Variants in DPP10 observed in about 807,000 individuals in gnomAD.
DPP10 encodes dipeptidyl peptidase like 10.
In DPP10, 33 loss-of-function variants were observed where a neutral mutation model predicts 120.9. The observed-to-expected ratio is 0.27, with a 90% CI of 0.21 to 0.37. The LOEUF (loss-of-function observed/expected upper bound fraction) is 0.37, where lower values mean the gene tolerates loss of function less well. DPP10 is among the 10% of genes least tolerant of loss of function. The pLI is 1.00. For missense variants in DPP10, 816 were observed against 942.8 expected (o/e 0.87, Z 1.76); for synonymous variants, 337 against 326.1 (o/e 1.03, Z -0.36).
Position 115,195,058 on chromosome 2 carries a change from C to T in DPP10, c.61-114181C>T, listed in dbSNP as rs144640768. 8.7e-3 allele frequency among the ~76,000 whole-genome samples: 1,326 copies of T among 152,200 alleles called. 68 individuals carry two copies. The highest frequency in any genetic ancestry group is 0.078 in the Admixed American group (1,199 of 15,284). On this transcript the variant is annotated intron_variant, in intron 1 of 25. Transcript: ENST00000410059. The stretch of plus-strand genomic sequence containing the variant: ...GGATATATTTTGGACATTCAGTGTG[C>T]GCTCATGATGATCACTGACTGGACA...
chr2:115,711,260 C>G (rs545768940), intron 7 of DPP10, among the ~76,000 whole-genome samples: 1 of 151,914 alleles, frequency 6.6e-6, no homozygotes, highest in African/African-American at 2.4e-5. Flanking sequence ...GAAATAGAGA[C>G]CTTACAAAAG....
chr2:114,877,132 A>G (rs1019317895), intron 1 of DPP10, among the ~76,000 whole-genome samples: 7 of 152,060 alleles, frequency 4.6e-5, no homozygotes, highest in Admixed American at 1.3e-4. Flanking sequence ...TAGCTTGTGT[A>G]TGTATATGTA....
chr2:115,147,686 T>C (rs2051307535), intron 1 of DPP10, among the ~76,000 whole-genome samples: 1 of 152,074 alleles, frequency 6.6e-6, no homozygotes, highest in Admixed American at 6.6e-5. Context: ...AATATAAGAA[T>C]ATAAATGATA....
chr2:115,373,895 GA>G (rs2065596798), intron 3 of DPP10, among the ~76,000 whole-genome samples: 1 of 151,500 alleles, frequency 6.6e-6, no homozygotes, highest in Non-Finnish European at 1.5e-5. Flanking sequence ...AAGAGAGAGA[GA>G]GAGAGAGAGT....
chr2:115,319,705 A>G (rs2061966875), intron 2 of DPP10, among the ~76,000 whole-genome samples: 1 of 152,182 alleles, frequency 6.6e-6, no homozygotes, highest in East Asian at 1.9e-4. Context: ...GGTAATATAA[A>G]CAATAGTAAA....
chr2:114,821,074 A>C (rs1055220986), intron 1 of DPP10, among the ~76,000 whole-genome samples: 3 of 152,208 alleles, frequency 2.0e-5, no homozygotes, highest in East Asian at 1.9e-4. Flanking sequence ...TCCAAAGCCA[A>C]AAGAGGGAAC....
At chr2:115,277,478 T>TAC (rs2059968091) in intron 1 of DPP10, among the ~76,000 whole-genome samples, 1 of 94,518 alleles carries the variant, frequency 1.1e-5, no homozygotes, top group Non-Finnish European at 2.3e-5. Context: ...TTTTTTTTTT[T>TAC]ACTGTAGTCA....
Position 115,465,182 on chromosome 2 carries a change from T to C in DPP10, c.272-34328T>C, listed in dbSNP as rs190107530. 3.5e-3 allele frequency among the ~76,000 whole-genome samples: 532 copies of C among 152,314 alleles called. 2 individuals carry two copies. The highest frequency in any genetic ancestry group is 0.012 in the African/African-American group (494 of 41,576). On this transcript the variant is annotated intron_variant, in intron 3 of 25. Transcript: ENST00000410059. Reference sequence around the variant, plus strand: ...TATATAGGTATTGCCATCGACACTTTGTAAGTTGTAGTAATACACACTCAT... The same window carrying C: ...TATATAGGTATTGCCATCGACACTTCGTAAGTTGTAGTAATACACACTCAT...
At chr2:115,237,929 G>T (rs2058080462) in intron 1 of DPP10, among the ~76,000 whole-genome samples, 1 of 152,208 alleles carries the variant, frequency 6.6e-6, no homozygotes, top group Admixed American at 6.5e-5. Context: ...AGTGCAAGCT[G>T]AAGCAGCAAG....
intron 21 of DPP10, among the ~76,000 whole-genome samples, chr2:115,820,751 A>G (rs943393307): frequency 3.4e-4 from 52 of 151,388 alleles, no homozygotes; most frequent in Admixed American, 7.9e-4. Flanking sequence ...GTTGATGTGA[A>G]TGCCATTGTT....
chr2:115,431,138 C>T (rs553578598), intron 3 of DPP10, among the ~76,000 whole-genome samples: 38 of 152,232 alleles, frequency 2.5e-4, no homozygotes, highest in African/African-American at 6.0e-4. Context: ...ATATAGCTCG[C>T]GAAAGCGAAG....
At chr2:114,451,393 T>G (rs1282886517) in intron 1 of DPP10, among the ~76,000 whole-genome samples, 1 of 152,096 alleles carries the variant, frequency 6.6e-6, no homozygotes, top group Non-Finnish European at 1.5e-5. Flanking sequence ...ATGGCTATGA[T>G]ATAAATTAAT....
intron 1 of DPP10, among the ~76,000 whole-genome samples, chr2:114,686,413 T>G (rs571913846): frequency 2.0e-5 from 3 of 151,920 alleles, no homozygotes; most frequent in Non-Finnish European, 4.4e-5. Context: ...AACTCTATGA[T>G]ACTTCACAAA....
intron 11 of DPP10, among the ~76,000 whole-genome samples, chr2:115,756,057 A>T (rs918540506): frequency 1.3e-5 from 2 of 152,084 alleles, no homozygotes; most frequent in African/African-American, 4.8e-5. Flanking sequence ...GGAGGACGTT[A>T]TGTTAACTGA....
chr2:114,796,436 T>G (rs1162304360), intron 1 of DPP10, among the ~76,000 whole-genome samples: 1 of 151,974 alleles, frequency 6.6e-6, no homozygotes, highest in East Asian at 1.9e-4. Flanking sequence ...AACATTTTCT[T>G]TTCCCTTGCT....
chr2:115,265,750 C>T (rs997029610), intron 1 of DPP10, among the ~76,000 whole-genome samples: 1 of 151,844 alleles, frequency 6.6e-6, no homozygotes, highest in Middle Eastern at 3.2e-3. Flanking sequence ...TTATTAAATG[C>T]CAAATAAATA....
intron 5 of DPP10, among the ~76,000 whole-genome samples, chr2:115,560,242 G>T (rs1037300515): frequency 6.7e-5 from 10 of 148,358 alleles, no homozygotes; most frequent in Non-Finnish European, 1.5e-4. Flanking sequence ...GTGGTGGCTG[G>T]TGCCTGTAGT....
intron 1 of DPP10, among the ~76,000 whole-genome samples, chr2:115,038,278 A>T (rs1357603975): frequency 1.3e-5 from 2 of 151,234 alleles, no homozygotes; most frequent in East Asian, 1.9e-4. Flanking sequence ...TTATTTATTT[A>T]TTTATTTTTT....
At chr2:115,707,523 T>C (rs549160276) in intron 7 of DPP10, among the ~76,000 whole-genome samples, 1 of 151,754 alleles carries the variant, frequency 6.6e-6, no homozygotes, top group African/African-American at 2.4e-5. Flanking sequence ...GTATTATACA[T>C]CTAGTGATTC....
Sources: gnomAD v4.1 joint callset for allele counts (sites outside exome capture counted in the v4.1 genomes callset) on GRCh38, gnomAD v4.1.1 for gene constraint, MANE v1.5 for transcripts, NCBI Gene and HGNC (gene_info 2026-07-23, HGNC 2026-07-21) for gene names.